SLCO3A1: variants seen among roughly 807,000 people sequenced by gnomAD.
SLCO3A1 encodes the protein PGE1 transporter.
A neutral mutation model predicts 63.1 loss-of-function variants in SLCO3A1; 27 were observed. That is an observed-to-expected ratio of 0.43 (90% CI 0.32 to 0.59). SLCO3A1 has a LOEUF of 0.59. Among genes scored for constraint, SLCO3A1 ranks in the 20% least tolerant of loss-of-function variants. The pLI, the probability that SLCO3A1 is intolerant of heterozygous loss-of-function variation, is 0.09. For synonymous variants in SLCO3A1, 473 were observed against 409.9 expected (o/e 1.15, Z -1.86); for missense variants, 773 against 945.8 (o/e 0.82, Z 2.40).
chr15:92,071,912 C>T (rs1434620281), intron 2 of SLCO3A1, among the ~76,000 whole-genome samples: 1 of 152,194 alleles, frequency 6.6e-6, no homozygotes, highest in Non-Finnish European at 1.5e-5. Flanking sequence ...GTTCCTTCTA[C>T]TGTGTAACTT....
chr15:92,099,439 A>C (rs151237629), intron 3 of SLCO3A1, among the ~76,000 whole-genome samples: 3 of 104,548 alleles, frequency 2.9e-5, no homozygotes, highest in Admixed American at 2.4e-4. Context: ...ACAAATGGGT[A>C]AATGAACTAC....
At chr15:91,888,949 C>A (rs941531790) in intron 1 of SLCO3A1, among the ~76,000 whole-genome samples, 2 of 147,754 alleles carry the variant, frequency 1.4e-5, no homozygotes, top group African/African-American at 5.0e-5. Flanking sequence ...CATAAGGTTT[C>A]GGGGAGCTGT....
chr15:92,062,590 G>T (rs943542067), intron 2 of SLCO3A1, among the ~76,000 whole-genome samples: 1 of 152,210 alleles, frequency 6.6e-6, no homozygotes, highest in Non-Finnish European at 1.5e-5. Context: ...GGCAACAGGA[G>T]ACTGGTTGGC....
At chr15:91,938,558 T>C (rs1899503065) in intron 2 of SLCO3A1, among the ~76,000 whole-genome samples, 1 of 151,950 alleles carries the variant, frequency 6.6e-6, no homozygotes, top group Non-Finnish European at 1.5e-5. Flanking sequence ...CAGTAGCTTT[T>C]TCCATGTGTC....
intron 2 of SLCO3A1, among the ~76,000 whole-genome samples, chr15:92,041,518 G>A (rs1163711302): frequency 1.3e-5 from 2 of 152,184 alleles, no homozygotes; most frequent in Non-Finnish European, 1.5e-5. Context: ...GGAAAGCAAT[G>A]GTAGACTATG....
At chr15:91,914,282 G>T (rs981582621) in intron 1 of SLCO3A1, among the ~76,000 whole-genome samples, 1 of 152,218 alleles carries the variant, frequency 6.6e-6, no homozygotes, top group East Asian at 1.9e-4. Flanking sequence ...GGGAGAGGCT[G>T]CTCTGTGCTA....
chr15:92,081,613 C>A (rs1184028297), intron 2 of SLCO3A1, among the ~76,000 whole-genome samples: 1 of 152,162 alleles, frequency 6.6e-6, no homozygotes, highest in East Asian at 1.9e-4. Context: ...GGCGATCTGC[C>A]CACCTCGGCC....
intron 2 of SLCO3A1, among the ~76,000 whole-genome samples, chr15:91,924,533 G>A (rs527887237): frequency 1.7e-4 from 26 of 152,154 alleles, no homozygotes; most frequent in African/African-American, 6.0e-4. Flanking sequence ...AATAAAACAC[G>A]AAAAAAGAAA....
intron 2 of SLCO3A1, among the ~76,000 whole-genome samples, chr15:91,981,831 C>T (rs185071646): frequency 6.6e-6 from 1 of 152,232 alleles, no homozygotes; most frequent in African/African-American, 2.4e-5. Flanking sequence ...TCCCTGAGAA[C>T]AGACACAGTG....
rs576041171 is a variant in SLCO3A1, at chr15:91,966,182, GGCTGGCAGCCCCAGCCACACCAT to G, written c.646+49725_646+49747del. 6.6e-4 allele frequency among the ~76,000 whole-genome samples: 100 copies of G among 152,180 alleles called. 1 individual carries two copies. Among genetic ancestry groups the G allele is most frequent in the African/African-American group, 2.3e-3 (95 of 41,526 alleles). ...TGACCCAGACAGAAACAGGGGCCTC[GGCTGGCAGCCCCAGCCACACCAT>G]AACTGCACCCGTAGCTCAGATGAGG... On this transcript the variant is annotated intron_variant, in intron 2 of 9. Transcript: ENST00000318445.
intron 4 of SLCO3A1, among the ~76,000 whole-genome samples, chr15:92,105,587 T>G (rs761827660): frequency 6.6e-6 from 1 of 152,190 alleles, no homozygotes; most frequent in Non-Finnish European, 1.5e-5. Context: ...AGGAGCTGAA[T>G]GTAGCCTGGC....
intron 2 of SLCO3A1, among the ~76,000 whole-genome samples, chr15:92,048,261 A>C (rs2046914384): frequency 2.0e-5 from 3 of 151,906 alleles, no homozygotes; most frequent in Non-Finnish European, 2.9e-5. Context: ...CCTGGCACCC[A>C]CTTCTGATAG....
chr15:91,928,605 T>C (rs1221486115), intron 2 of SLCO3A1, among the ~76,000 whole-genome samples: 1 of 152,230 alleles, frequency 6.6e-6, no homozygotes, highest in Non-Finnish European at 1.5e-5. Flanking sequence ...TAAATAGGTA[T>C]ACAGCTCTTT....
rs368876188 is a variant in SLCO3A1 at position 92,078,074 on chromosome 15, T to G, written c.647-16807T>G. 3.3e-5 allele frequency among the ~76,000 whole-genome samples: 5 copies of G among 152,196 alleles called. No individual in the cohort carries two copies. The East Asian group carries it at 7.7e-4, about 23-fold the overall frequency. ...CACATGGCGGGTATTTAATTAAGAA[T>G]GATTTTGTTGTTGCCATTATTCATG... is the stretch of plus-strand genomic sequence containing the variant. On this transcript the variant is annotated intron_variant, in intron 2 of 9. Transcript: ENST00000318445.
chr15:91,893,466 T>C (rs1297235298), intron 1 of SLCO3A1, among the ~76,000 whole-genome samples: 1 of 152,190 alleles, frequency 6.6e-6, no homozygotes, highest in Non-Finnish European at 1.5e-5. Flanking sequence ...GGTTGATAGA[T>C]GGCACCTTCT....
rs1400850321 is a variant in SLCO3A1, at chr15:91,900,444, C to T, written c.181-15549C>T. ...TCCTGGGTTCAAGCGATTCTCCTGC[C>T]TCAGCCTCCCCAGTAGCTGGGATTA... On this transcript the variant is annotated intron_variant, in intron 1 of 9. Transcript: ENST00000318445. The surrounding 1 kb of genome is among the most constrained non-coding windows in gnomAD (Gnocchi z 4.3). Among the ~76,000 whole-genome samples the T allele has an allele frequency of 2.6e-5, 4 of 152,202 alleles. No homozygotes were observed. Among genetic ancestry groups the T allele is most frequent in the Non-Finnish European group, 1.5e-5 (1 of 68,038 alleles).
chr15:92,065,906 G>T (rs973545190), intron 2 of SLCO3A1, among the ~76,000 whole-genome samples: 3 of 152,310 alleles, frequency 2.0e-5, no homozygotes, highest in Admixed American at 6.5e-5. Flanking sequence ...AAAGAAAAAA[G>T]GTTTCCTGAG....
intron 2 of SLCO3A1, among the ~76,000 whole-genome samples, chr15:92,005,665 G>A (rs2046304266): frequency 6.6e-6 from 1 of 152,198 alleles, no homozygotes; most frequent in African/African-American, 2.4e-5. Context: ...CCCCTATCCT[G>A]TGAGAAGTTG....
At chr15:91,922,316 C>G (rs1040871589) in intron 2 of SLCO3A1, among the ~76,000 whole-genome samples, 5 of 152,188 alleles carry the variant, frequency 3.3e-5, no homozygotes, top group Admixed American at 1.3e-4. Context: ...TGCTGTTTGC[C>G]TGAATACACA....
Sources: allele counts gnomAD v4.1 joint callset (sites outside exome capture counted in the v4.1 genomes callset), GRCh38; gene constraint gnomAD v4.1.1; non-coding constraint Gnocchi (gnomAD v3.1); transcripts MANE v1.5; gene names NCBI Gene and HGNC (gene_info 2026-07-23, HGNC 2026-07-21).